Variants in CHSY3 observed in about 807,000 individuals in gnomAD.
The protein encoded by CHSY3 is chondroitin sulfate synthase 3, also known as N-acetylgalactosaminyl-proteoglycan 3-beta-glucuronosyltransferase 3.
In CHSY3, 35 loss-of-function variants were observed where a neutral mutation model predicts 67.2. The ratio of observed to expected loss-of-function variants is 0.52; its 90% CI spans 0.40 to 0.69. The LOEUF is 0.69. Among genes scored for constraint, CHSY3 ranks in the 30% least tolerant of loss-of-function variants. The pLI is 0.00. For missense variants in CHSY3, 1,069 were observed against 1,138.5 expected, an observed-to-expected ratio of 0.94 and a Z score of 0.88; for synonymous variants, 474 against 434.7, an observed-to-expected ratio of 1.09 and a Z score of -1.12.
At chr5:129,978,934 C>A (rs971062644) in intron 2 of CHSY3, among the ~76,000 whole-genome samples, 1 of 151,814 alleles carries the variant, frequency 6.6e-6, no homozygotes, top group South Asian at 2.1e-4. Flanking sequence ...CGTGGTGGCT[C>A]ACGCCTGTAA....
chr5:130,117,982 G>A (rs895661382), intron 2 of CHSY3, among the ~76,000 whole-genome samples: 8 of 152,148 alleles, frequency 5.3e-5, no homozygotes, highest in African/African-American at 1.9e-4. Flanking sequence ...TTCGGTTAGT[G>A]AGTTAGCACT....
At chr5:129,968,890 A>G (rs1580594758) in intron 2 of CHSY3, among the ~76,000 whole-genome samples, 1 of 151,786 alleles carries the variant, frequency 6.6e-6, no homozygotes, top group African/African-American at 2.4e-5. Flanking sequence ...GCTCCACTCC[A>G]CAGTTAACTG....
intron 2 of CHSY3, among the ~76,000 whole-genome samples, chr5:130,030,920 A>T (rs1764686144): frequency 1.3e-5 from 2 of 152,042 alleles, no homozygotes; most frequent in South Asian, 4.1e-4. Context: ...AATGAATGAA[A>T]GTTTTTGCCT....
chr5:130,185,602 G>C lies in CHSY3; in HGVS notation c.2460G>C (p.Arg820Ser), dbSNP rs758540850. The C allele has an allele frequency of 3.7e-6, 6 of 1,614,046 alleles. No homozygotes were observed. The highest frequency in any genetic ancestry group is 5.1e-6 in the Non-Finnish European group (6 of 1,179,970). The change falls in exon 3 of 3, where the codon AGG becomes AGC. Residue 820 changes from arginine to serine, a missense_variant. By Grantham distance (110) the Arg-to-Ser change is moderately radical. Transcript: ENST00000305031. Reference sequence around the variant, plus strand: ...ATAAAGTCATTCTATCTGGCTTAAGGCCATTCAGAAGCCAAGAAGTAGGAG... The same window carrying C: ...ATAAAGTCATTCTATCTGGCTTAAGCCCATTCAGAAGCCAAGAAGTAGGAG... The part of the protein sequence containing the change: ...LYNKVILSGL[R>S]PFRSQEVGVV...
chr5:129,914,387 A>G (rs1026928582), intron 2 of CHSY3, among the ~76,000 whole-genome samples: 7 of 152,246 alleles, frequency 4.6e-5, no homozygotes, highest in Admixed American at 4.6e-4. Context: ...TGCTGGGATT[A>G]CAGGCGTAAG....
At chr5:129,967,011 G>A (rs1218240676) in intron 2 of CHSY3, among the ~76,000 whole-genome samples, 1 of 151,814 alleles carries the variant, frequency 6.6e-6, no homozygotes, top group Non-Finnish European at 1.5e-5. Flanking sequence ...TAAGTGATTT[G>A]ACCATCTTCT....
chr5:130,005,419 A>G (rs1162313646), intron 2 of CHSY3, among the ~76,000 whole-genome samples: 3 of 110,026 alleles, frequency 2.7e-5, no homozygotes, highest in African/African-American at 1.2e-4. Context: ...GTGAAAAACA[A>G]GACGAAACAA....
At chr5:129,909,527 T>A (rs1009561470) in intron 2 of CHSY3, among the ~76,000 whole-genome samples, 1 of 152,056 alleles carries the variant, frequency 6.6e-6, no homozygotes, top group African/African-American at 2.4e-5. Context: ...TTACAGAAAG[T>A]AAAATTTATT....
rs561695159 is a variant in CHSY3, at chr5:130,180,842, C to A, written c.1087-3387C>A. 1.1e-4 allele frequency among the ~76,000 whole-genome samples: 16 copies of A among 152,128 alleles called. 1 individual carries two copies. In the East Asian group the frequency reaches 3.1e-3, roughly 29 times the overall value. Reference sequence around the variant, plus strand: ...TCCAGCCTCGGCGACAGAGTGAGACCCCATCTCAAGAAAACAAAAAACAAA... The same window carrying A: ...TCCAGCCTCGGCGACAGAGTGAGACACCATCTCAAGAAAACAAAAAACAAA... On this transcript the variant is annotated intron_variant, in intron 2 of 2. Coordinates refer to ENST00000305031, the MANE Select transcript of CHSY3 (RefSeq NM_175856.5).
At chr5:130,088,255 C>T (rs1188752613) in intron 2 of CHSY3, among the ~76,000 whole-genome samples, 1 of 151,702 alleles carries the variant, frequency 6.6e-6, no homozygotes, top group Non-Finnish European at 1.5e-5. Flanking sequence ...GACCTAAAAC[C>T]ATAAAAACCC....
intron 2 of CHSY3, among the ~76,000 whole-genome samples, chr5:129,914,606 T>G (rs571270273): frequency 1.9e-4 from 29 of 152,344 alleles, no homozygotes; most frequent in African/African-American, 6.7e-4. Context: ...TTCTCACACC[T>G]ACTCTTCCCA....
At chr5:129,930,505 T>TC (rs1196091402) in intron 2 of CHSY3, among the ~76,000 whole-genome samples, 2 of 75,318 alleles carry the variant, frequency 2.7e-5, no homozygotes, top group Non-Finnish European at 5.1e-5. Flanking sequence ...GAGGCATCAC[T>TC]GGCGGGGGGG....
intron 2 of CHSY3, among the ~76,000 whole-genome samples, chr5:129,974,559 G>A (rs1355232399): frequency 6.6e-6 from 1 of 152,100 alleles, no homozygotes; most frequent in Admixed American, 6.6e-5. Context: ...AAGCCCCTAT[G>A]TACTTATAGT....
chr5:130,056,918 CTTTTTTTTTTTT>C (rs58326964), intron 2 of CHSY3, among the ~76,000 whole-genome samples: 2 of 56,116 alleles, frequency 3.6e-5, no homozygotes, highest in South Asian at 1.0e-3. Flanking sequence ...GCATTTCTTT[CTTTTTTTTTTTT>C]TTTTTTTTTT....
intron 2 of CHSY3, among the ~76,000 whole-genome samples, chr5:129,958,161 G>T (rs150502562): frequency 1.3e-5 from 2 of 152,080 alleles, no homozygotes; most frequent in African/African-American, 2.4e-5. Flanking sequence ...GAATATTAGA[G>T]TGTTATTAGT....
At chr5:130,071,293 T>C (rs1297192754) in intron 2 of CHSY3, among the ~76,000 whole-genome samples, 2 of 152,082 alleles carry the variant, frequency 1.3e-5, no homozygotes, top group Non-Finnish European at 2.9e-5. Flanking sequence ...TAGTTCTTGG[T>C]TGCCTGGACT....
chr5:129,936,937 G>C (rs1761513122), intron 2 of CHSY3, among the ~76,000 whole-genome samples: 1 of 152,014 alleles, frequency 6.6e-6, no homozygotes, highest in South Asian at 2.1e-4. Flanking sequence ...CATTTATATA[G>C]ACTTTCCTTC....
chr5:130,169,936 G>A (rs181810055), intron 2 of CHSY3, among the ~76,000 whole-genome samples: 1 of 152,034 alleles, frequency 6.6e-6, no homozygotes, highest in Admixed American at 6.6e-5. Flanking sequence ...AATGTCTTCT[G>A]AAATTTTGTA....
chr5:130,004,431 T>C (rs1368672101), intron 2 of CHSY3, among the ~76,000 whole-genome samples: 3 of 152,208 alleles, frequency 2.0e-5, no homozygotes, highest in African/African-American at 7.2e-5. Flanking sequence ...ATTAGAAATA[T>C]TGATTGGAAC....
Sources: gnomAD v4.1 joint callset for allele counts (sites outside exome capture counted in the v4.1 genomes callset) on GRCh38, gnomAD v4.1.1 for gene constraint, MANE v1.5 for transcripts, NCBI Gene and HGNC (gene_info 2026-07-23, HGNC 2026-07-21) for gene names.